KAZN: variants seen among roughly 807,000 people sequenced by gnomAD.
KAZN encodes the protein kazrin.
Under a neutral mutation model 87.4 loss-of-function variants are expected in KAZN, and 40 were observed. The observed-to-expected ratio is 0.46, with a 90% confidence interval of 0.36 to 0.60. The LOEUF is 0.60. KAZN is among the 20% of genes least tolerant of loss of function. KAZN has a pLI of 0.00. For missense variants in KAZN, 898 were observed against 1,073.9 expected (o/e 0.84, Z 2.29); for synonymous variants, 466 against 458.3 (o/e 1.02, Z -0.22).
chr1:14,448,017 A>C (rs1389790033), intron 2 of KAZN, among the ~76,000 whole-genome samples: 1 of 152,206 alleles, frequency 6.6e-6, no homozygotes, highest in Non-Finnish European at 1.5e-5. Context: ...TGAGCTCTGC[A>C]CTGTAAGTAA....
chr1:14,703,323 A>T (rs1291724438), intron 1 of KAZN, among the ~76,000 whole-genome samples: 1 of 152,180 alleles, frequency 6.6e-6, no homozygotes, highest in African/African-American at 2.4e-5. Context: ...GGGTCATGGG[A>T]GGGACCAGGT....
chr1:14,764,487 C>T (rs938988637), intron 1 of KAZN, among the ~76,000 whole-genome samples: 3 of 149,266 alleles, frequency 2.0e-5, no homozygotes, highest in Non-Finnish European at 3.0e-5. Context: ...CTTTGTTATC[C>T]GCCGCCCCTC....
At chr1:14,333,730 G>T (rs1231552120) in intron 2 of KAZN, among the ~76,000 whole-genome samples, 2 of 152,168 alleles carry the variant, frequency 1.3e-5, no homozygotes, top group Non-Finnish European at 2.9e-5. Flanking sequence ...CTGGTGGGGG[G>T]TGTCGCTTGT....
intron 1 of KAZN, among the ~76,000 whole-genome samples, chr1:14,062,058 C>T (rs553325547): frequency 3.3e-5 from 5 of 152,062 alleles, no homozygotes; most frequent in Admixed American, 6.5e-5. Flanking sequence ...AAACAGGAAG[C>T]GTGGTGCACC....
intron 2 of KAZN, among the ~76,000 whole-genome samples, chr1:14,484,980 T>C (rs1182746993): frequency 6.6e-6 from 1 of 152,118 alleles, no homozygotes; most frequent in Non-Finnish European, 1.5e-5. Flanking sequence ...GACAAAATTC[T>C]CCCCCACACC....
chr1:14,020,573 A>G (rs1186011963), intron 1 of KAZN, among the ~76,000 whole-genome samples: 1 of 152,246 alleles, frequency 6.6e-6, no homozygotes, highest in African/African-American at 2.4e-5. Context: ...ACTGTTTTGT[A>G]TAATTACACA....
chr1:14,623,487 G>A lies in KAZN; in HGVS notation c.226+24264G>A, dbSNP rs577734879. On this transcript the variant is annotated intron_variant, in intron 1 of 14. Coordinates refer to ENST00000376030, the MANE Select transcript of KAZN (RefSeq NM_201628.3). ...TACCTGAGGGTGGAGGATCGGAGGA[G>A]GGAGAGGAGCAGAAAGGATGATTAT... 5.3e-4 allele frequency among the ~76,000 whole-genome samples: 81 copies of A among 152,332 alleles called. 1 individual carries two copies. In the South Asian group the frequency reaches 0.017, roughly 31 times the overall value.
At chr1:14,068,942 G>A (rs1193906128) in intron 1 of KAZN, among the ~76,000 whole-genome samples, 2 of 152,014 alleles carry the variant, frequency 1.3e-5, no homozygotes, top group African/African-American at 4.8e-5. Context: ...GGGACTACAG[G>A]CACGTGCCAC....
intron 1 of KAZN, among the ~76,000 whole-genome samples, chr1:14,666,959 C>T (rs1639596808): frequency 6.6e-6 from 1 of 152,188 alleles, no homozygotes; most frequent in African/African-American, 2.4e-5. Flanking sequence ...TGCTCTCGAT[C>T]TCTTGACGTC....
chr1:14,895,794 C>T (rs1655201787), intron 1 of KAZN, among the ~76,000 whole-genome samples: 1 of 152,204 alleles, frequency 6.6e-6, no homozygotes, highest in South Asian at 2.1e-4. Flanking sequence ...ATGTTCTCTG[C>T]CCTGGACTCC....
At position 14,614,038 on chromosome 1, in the gene KAZN, T is replaced by C. The variant is rs113116587; in HGVS notation, c.226+14815T>C. ...CAGAAAGCACCAGTTATGGTCAGAA[T>C]AACAGAACTGGCCCCATGCTAGATT... On this transcript the variant is annotated intron_variant, in intron 1 of 14. Transcript: ENST00000376030. Among the ~76,000 whole-genome samples, 266 of 152,292 alleles carry C rather than the reference T, an allele frequency of 1.7e-3. 2 individuals carry two copies. Among genetic ancestry groups the C allele is most frequent in the African/African-American group, 6.1e-3 (252 of 41,552 alleles).
At chr1:13,929,997 TCA>T (rs1395833281) in intron 1 of KAZN, among the ~76,000 whole-genome samples, 1 of 152,198 alleles carries the variant, frequency 6.6e-6, no homozygotes, top group African/African-American at 2.4e-5. Flanking sequence ...ACTCAGGCAA[TCA>T]GTCTTTAGAG....
intron 1 of KAZN, among the ~76,000 whole-genome samples, chr1:13,918,431 C>T (rs1207602752): frequency 6.6e-6 from 1 of 152,296 alleles, no homozygotes; most frequent in South Asian, 2.1e-4. Context: ...CATGATAAAA[C>T]TTAAATGGAG....
At chr1:15,114,131 T>C (rs1278224492) in intron 14 of KAZN, 9 of 207,230 alleles carry the variant, frequency 4.3e-5, no homozygotes, top group Non-Finnish European at 7.9e-5. Flanking sequence ...TCACAGGTAG[T>C]CTCCAGGACA....
intron 2 of KAZN, among the ~76,000 whole-genome samples, chr1:14,537,094 G>T (rs1337529847): frequency 6.6e-6 from 1 of 152,200 alleles, no homozygotes; most frequent in Admixed American, 6.5e-5. Context: ...TATTTGTTGA[G>T]TGAACATTTT....
intron 2 of KAZN, among the ~76,000 whole-genome samples, chr1:14,448,519 A>G (rs1430464664): frequency 6.6e-6 from 1 of 152,226 alleles, no homozygotes; most frequent in Non-Finnish European, 1.5e-5. Context: ...TCCCTTTTAA[A>G]AACACAAACA....
At chr1:14,156,716 C>T (rs1369558774) in intron 1 of KAZN, among the ~76,000 whole-genome samples, 1 of 152,084 alleles carries the variant, frequency 6.6e-6, no homozygotes, top group Non-Finnish European at 1.5e-5. Context: ...TATTTTCAGC[C>T]TATGTGTGTC....
chr1:15,047,219 T>C (rs576019333), intron 4 of KAZN, among the ~76,000 whole-genome samples: 57 of 152,330 alleles, frequency 3.7e-4, no homozygotes, highest in African/African-American at 1.4e-3. Flanking sequence ...CCAGTCTTGT[T>C]GGGGTGTCCA....
chr1:14,405,107 A>T (rs943583977), intron 2 of KAZN, among the ~76,000 whole-genome samples: 1 of 152,204 alleles, frequency 6.6e-6, no homozygotes, highest in Non-Finnish European at 1.5e-5. Context: ...GAATACATAT[A>T]CAAAATGCTT....
Sources: gnomAD v4.1 joint callset for allele counts (sites outside exome capture counted in the v4.1 genomes callset) on GRCh38, gnomAD v4.1.1 for gene constraint, MANE v1.5 for transcripts, NCBI Gene and HGNC (gene_info 2026-07-23, HGNC 2026-07-21) for gene names.